Variants in MAGI1 observed in about 807,000 individuals in gnomAD.
MAGI1 encodes the protein membrane-associated guanylate kinase, WW and PDZ domain-containing protein 1.
A neutral mutation model predicts 139.9 loss-of-function variants in MAGI1; 58 were observed. The ratio of observed to expected loss-of-function variants is 0.41; its 90% confidence interval spans 0.34 to 0.52. The LOEUF is 0.52. MAGI1 is among the 20% of genes least tolerant of loss of function. MAGI1 has a pLI of 0.12. For synonymous variants in MAGI1, 812 were observed against 737.9 expected, an observed-to-expected ratio of 1.10 and a Z score of -1.63; for missense variants, 1,874 against 1,901.6, an observed-to-expected ratio of 0.99 and a Z score of 0.27.
intron 7 of MAGI1, among the ~76,000 whole-genome samples, chr3:65,445,706 G>A (rs62252645): frequency 0.15 from 23,153 of 152,076 alleles, 2,131 homozygotes; most frequent in Non-Finnish European, 0.2. Context: ...TGCAGAGGAC[G>A]TGATAAATTC....
At chr3:65,505,550 T>C (rs2077248438) in intron 2 of MAGI1, among the ~76,000 whole-genome samples, 1 of 151,530 alleles carries the variant, frequency 6.6e-6, no homozygotes, top group Admixed American at 6.6e-5. Flanking sequence ...GAGGCTGAAG[T>C]GGGAGGACCA....
At chr3:66,025,039 T>G (rs1206994303) in intron 1 of MAGI1, among the ~76,000 whole-genome samples, 4 of 152,240 alleles carry the variant, frequency 2.6e-5, no homozygotes, top group Admixed American at 6.5e-5. Context: ...ACAGCTTTAT[T>G]TCTAGATAGC....
intron 1 of MAGI1, among the ~76,000 whole-genome samples, chr3:66,016,467 T>C (rs1432018689): frequency 6.6e-6 from 1 of 152,162 alleles, no homozygotes; most frequent in African/African-American, 2.4e-5. Flanking sequence ...TCAAAGCTGA[T>C]GGCGGGACCG....
chr3:65,635,763 C>T (rs529210997), intron 1 of MAGI1, among the ~76,000 whole-genome samples: 20 of 152,354 alleles, frequency 1.3e-4, no homozygotes, highest in African/African-American at 4.3e-4. Flanking sequence ...CAGCCTCACC[C>T]CAATTTATTC....
intron 3 of MAGI1, among the ~76,000 whole-genome samples, chr3:65,488,498 A>C (rs1440001382): frequency 9.4e-6 from 1 of 106,580 alleles, no homozygotes; most frequent in African/African-American, 3.4e-5. Context: ...CACCAAGCCC[A>C]GCTAATTTTT....
At chr3:65,575,220 G>T (rs2081130075) in intron 2 of MAGI1, among the ~76,000 whole-genome samples, 1 of 151,946 alleles carries the variant, frequency 6.6e-6, no homozygotes, top group South Asian at 2.1e-4. Flanking sequence ...CAACTAAAAA[G>T]AGAGTAAAAT....
At chr3:65,932,683 G>C (rs184424694) in intron 1 of MAGI1, among the ~76,000 whole-genome samples, 6 of 152,252 alleles carry the variant, frequency 3.9e-5, no homozygotes, top group Admixed American at 1.3e-4. Context: ...TATAATAAGA[G>C]AGCCAAAGGG....
intron 1 of MAGI1, among the ~76,000 whole-genome samples, chr3:65,935,415 T>C (rs1240058069): frequency 6.6e-6 from 1 of 152,068 alleles, no homozygotes; most frequent in Non-Finnish European, 1.5e-5. Flanking sequence ...GGGCAGGAGT[T>C]CATGATCAGC....
intron 7 of MAGI1, among the ~76,000 whole-genome samples, chr3:65,446,841 T>C (rs1948712673): frequency 6.6e-6 from 1 of 152,186 alleles, no homozygotes; most frequent in Non-Finnish European, 1.5e-5. Context: ...TCTTTAAAAA[T>C]AGATCCATCA....
intron 1 of MAGI1, among the ~76,000 whole-genome samples, chr3:65,899,032 C>T (rs2061104415): frequency 6.6e-6 from 1 of 152,104 alleles, no homozygotes. Flanking sequence ...GGTGATCCTC[C>T]CACCTCAGCC....
intron 1 of MAGI1, among the ~76,000 whole-genome samples, chr3:65,959,312 C>T (rs1480604382): frequency 6.6e-6 from 1 of 152,106 alleles, no homozygotes; most frequent in Non-Finnish European, 1.5e-5. Flanking sequence ...TCCTACTTGC[C>T]CTTTACTCAA....
chr3:65,886,815 C>T (rs2060551067), intron 1 of MAGI1, among the ~76,000 whole-genome samples: 1 of 152,172 alleles, frequency 6.6e-6, no homozygotes, highest in Non-Finnish European at 1.5e-5. Flanking sequence ...GAGGTAACTG[C>T]TAATGCAGCC....
At chr3:65,877,452 GT>G (rs2060160056) in intron 1 of MAGI1, among the ~76,000 whole-genome samples, 2 of 152,096 alleles carry the variant, frequency 1.3e-5, no homozygotes, top group African/African-American at 4.8e-5. Flanking sequence ...ATTTTAATGT[GT>G]TTTTCTCCAC....
chr3:65,413,421 A>C (rs1945945112), intron 12 of MAGI1, among the ~76,000 whole-genome samples: 2 of 152,182 alleles, frequency 1.3e-5, no homozygotes, highest in South Asian at 4.1e-4. Context: ...CATTATTCAA[A>C]GTGTCTGCAA....
intron 1 of MAGI1, among the ~76,000 whole-genome samples, chr3:65,773,728 A>C (rs9869486): frequency 0.013 from 1,923 of 152,310 alleles, 40 homozygotes; most frequent in African/African-American, 0.044. Flanking sequence ...TGGTGAATTC[A>C]GAAGGAAAAT....
Position 65,834,960 on chromosome 3 carries a change from C to A in MAGI1, c.313+203036G>T, listed in dbSNP as rs1294635172. 2.0e-5 allele frequency among the ~76,000 whole-genome samples: 3 copies of A among 152,222 alleles called. No homozygotes were observed. In the East Asian group the frequency reaches 5.8e-4, roughly 29 times the overall value. On this transcript the variant is annotated intron_variant, in intron 1 of 22. Transcript: ENST00000402939. ...CCTTTTTCCATCCTTTTACTTTGAA[C>A]CTGCCTATATTGTTTCATTTGAAGT...
chr3:65,416,518 C>T (rs1455141518), intron 12 of MAGI1, among the ~76,000 whole-genome samples: 2 of 152,160 alleles, frequency 1.3e-5, no homozygotes, highest in East Asian at 1.9e-4. Flanking sequence ...ATTAACCACA[C>T]TGTATTTTTG....
At position 65,920,805 on chromosome 3, in the gene MAGI1, T is replaced by A. The variant is rs188863074; in HGVS notation, c.313+117191A>T. On this transcript the variant is annotated intron_variant, in intron 1 of 22. Coordinates refer to ENST00000402939, the MANE Select transcript of MAGI1 (RefSeq NM_001033057.2). ...CAGCACTTTGGGAGGCCGAGGTGGG[T>A]GGATCACGAGGTCAGGGGTTCAAGA... 2.8e-3 allele frequency among the ~76,000 whole-genome samples: 420 copies of A among 152,028 alleles called. 2 individuals carry two copies. Among genetic ancestry groups the A allele is most frequent in the African/African-American group, 9.4e-3 (388 of 41,482 alleles).
chr3:65,531,341 G>A (rs1405311146), intron 2 of MAGI1, among the ~76,000 whole-genome samples: 2 of 152,118 alleles, frequency 1.3e-5, no homozygotes, highest in African/African-American at 4.8e-5. Flanking sequence ...GTAAGAGACA[G>A]CTTAGAATTA....
Sources: gnomAD v4.1 joint callset for allele counts (sites outside exome capture counted in the v4.1 genomes callset) on GRCh38, gnomAD v4.1.1 for gene constraint, MANE v1.5 for transcripts, NCBI Gene and HGNC (gene_info 2026-07-23, HGNC 2026-07-21) for gene names.